TRMT2B: variants seen among roughly 807,000 people sequenced by gnomAD.
The protein encoded by TRMT2B is tRNA methyltransferase 2B.
Under a neutral mutation model 39.7 loss-of-function variants are expected in TRMT2B, and 34 were observed. The observed-to-expected ratio is 0.86, with a 90% CI of 0.65 to 1.14. TRMT2B has a LOEUF of 1.14. Ranked by LOEUF, TRMT2B falls within the 50% of genes most tolerant of loss-of-function variation. The probability of loss-of-function intolerance (pLI) is 0.00; values close to 1 mark genes in which losing one functional copy is unlikely to be tolerated. For missense variants in TRMT2B, 318 were observed against 377.2 expected, an observed-to-expected ratio of 0.84 and a Z score of 1.30; for synonymous variants, 132 against 137.3, an observed-to-expected ratio of 0.96 and a Z score of 0.27.
chrX:100,993,455 G>A, the TRMT2B span, among the ~76,000 whole-genome samples: 6 of 111,704 alleles, frequency 5.4e-5, no homozygotes, highest in African/African-American at 9.8e-5. Flanking sequence ...TCAACAAACC[G>A]TAAGAAAATT....
downstream of TRMT2B, among the ~76,000 whole-genome samples, chrX:101,009,167 GT>G (rs1328369597): frequency 8.9e-6 from 1 of 111,971 alleles, no homozygotes. Context: ...TCTCTAGAAT[GT>G]TTGATTGAGA....
At chrX:101,049,470 G>A (rs1420086061) in intron 2 of TRMT2B, among the ~76,000 whole-genome samples, 49 of 93,823 alleles carry the variant, frequency 5.2e-4, no homozygotes, top group Middle Eastern at 0.012. Context: ...TCCAGCCCGG[G>A]AGGGAGACCC....
chrX:101,023,005 G>T (rs987591368), intron 8 of TRMT2B, among the ~76,000 whole-genome samples: 1 of 111,868 alleles, frequency 8.9e-6, no homozygotes, highest in South Asian at 3.7e-4. Flanking sequence ...TAAAATGAGG[G>T]TGACAATATC....
chrX:101,027,016 C>G (rs958923446), intron 7 of TRMT2B, among the ~76,000 whole-genome samples: 4 of 111,264 alleles, frequency 3.6e-5, no homozygotes, highest in African/African-American at 1.3e-4. Flanking sequence ...GCCTCCCATT[C>G]TTCTCCTTCT....
At chrX:101,034,492 G>A in intron 7 of TRMT2B, among the ~76,000 whole-genome samples, 1 of 111,337 alleles carries the variant, frequency 9.0e-6, no homozygotes, top group South Asian at 3.7e-4. Context: ...ACCCATGGCA[G>A]GGAGGGAACT....
At chrX:100,975,242 A>C in the TRMT2B span, among the ~76,000 whole-genome samples, 1 of 111,601 alleles carries the variant, frequency 9.0e-6, no homozygotes, top group Non-Finnish European at 1.9e-5. Context: ...ACAACAAATG[A>C]CTTGCCATCC....
intron 11 of TRMT2B, among the ~76,000 whole-genome samples, chrX:101,019,625 G>C (rs2086692793): frequency 9.3e-6 from 1 of 107,749 alleles, no homozygotes; most frequent in Admixed American, 1.0e-4. Context: ...TGAGCAACTA[G>C]TGTTTACACC....
chrX:100,985,731 T>C, the TRMT2B span: 4 of 1,210,945 alleles, frequency 3.3e-6, no homozygotes, highest in Non-Finnish European at 4.5e-6. Context: ...TAGATGAGTA[T>C]GAACTTTCCA....
chrX:101,030,693 G>A (rs1488953069), intron 7 of TRMT2B, among the ~76,000 whole-genome samples: 3 of 109,654 alleles, frequency 2.7e-5, no homozygotes, highest in African/African-American at 6.7e-5. Flanking sequence ...TGATCCGCCC[G>A]CCTTGGGCTC....
chrX:101,046,543 C>T (rs983693556), intron 2 of TRMT2B, among the ~76,000 whole-genome samples: 3 of 112,163 alleles, frequency 2.7e-5, no homozygotes, highest in Non-Finnish European at 5.6e-5. Flanking sequence ...GTTAATCATT[C>T]TCTCTGACAT....
the TRMT2B span, chrX:100,987,663 G>A: frequency 1.1e-6 from 1 of 917,198 alleles, no homozygotes; most frequent in African/African-American, 2.0e-5. Context: ...GTGGCATTGA[G>A]CAAGTCTCTT....
Position 101,010,708 on chromosome X carries a change from C to T in TRMT2B, c.1389-1G>A. ...AGCAGGGTCTGGAGGACAGCACAGC[C>T]TGTAGAAACAGAACATAGCATCAGT... On this transcript the variant is annotated splice_acceptor_variant, in intron 13 of 13. Transcript: ENST00000372936. LOFTEE classifies it high-confidence loss of function. 8 of 1,208,105 alleles carry T rather than the reference C, an allele frequency of 6.6e-6. No homozygotes were observed. The highest frequency in any genetic ancestry group is 8.9e-6 in the Non-Finnish European group (8 of 893,879).
chrX:101,000,884 C>T, the TRMT2B span, among the ~76,000 whole-genome samples: 1 of 111,725 alleles, frequency 9.0e-6, no homozygotes, highest in Non-Finnish European at 1.9e-5. Context: ...TTGACGGTCT[C>T]CAGGTGATGT....
the TRMT2B span, among the ~76,000 whole-genome samples, chrX:100,995,827 G>A: frequency 1.8e-5 from 2 of 112,292 alleles, no homozygotes; most frequent in South Asian, 3.6e-4. Context: ...AGCAGAATAG[G>A]AAAGAGCAGA....
intron 7 of TRMT2B, among the ~76,000 whole-genome samples, chrX:101,031,861 G>A (rs999714302): frequency 2.2e-4 from 25 of 111,210 alleles, no homozygotes; most frequent in African/African-American, 8.2e-4. Flanking sequence ...TAAAGCTGTT[G>A]GTATGTAGGT....
In TRMT2B at chrX:101,037,863, G is replaced by A. The variant is rs769584697; in HGVS notation, c.438+54C>T. 1.0e-4 allele frequency: 118 copies of A among 1,139,113 alleles called. No individual in the cohort carries two copies. The Admixed American group carries it at 2.2e-3, about 21-fold the overall frequency. The allele number at this position is 1,139,113 out of a possible 1,213,427, so 93.9% of individuals were successfully genotyped here. ...AAGTACCCAGTAAATATCAGCTGAT[G>A]TTATTAGCATTAAGGGGCCTTAATA... On this transcript the variant is annotated intron_variant, in intron 5 of 13. Coordinates refer to ENST00000372936, the MANE Select transcript of TRMT2B (RefSeq NM_024917.6).
chrX:101,019,852 G>A (rs771249039), intron 11 of TRMT2B, among the ~76,000 whole-genome samples: 1 of 109,456 alleles, frequency 9.1e-6, no homozygotes, highest in African/African-American at 3.3e-5. Context: ...GGCTGGTCTT[G>A]AACTCCTGAC....
downstream of TRMT2B, among the ~76,000 whole-genome samples, chrX:101,006,796 C>A (rs1427609386): frequency 4.2e-5 from 1 of 23,769 alleles, no homozygotes; most frequent in Non-Finnish European, 6.8e-5. Flanking sequence ...AAGCAAGACT[C>A]TGTCTTAAAA....
intron 2 of TRMT2B, 66 bp from the exon 3 acceptor site, chrX:101,042,378 C>A: frequency 9.3e-7 from 1 of 1,078,341 alleles, no homozygotes; most frequent in South Asian, 2.3e-5. Context: ...CATTCATCCA[C>A]TTATAAACCC....
Sources: gnomAD v4.1 joint callset for allele counts (sites outside exome capture counted in the v4.1 genomes callset) on GRCh38, gnomAD v4.1.1 for gene constraint, MANE v1.5 for transcripts, NCBI Gene and HGNC (gene_info 2026-07-23, HGNC 2026-07-21) for gene names.